Variants in MYO1E observed in about 807,000 individuals in gnomAD.
The protein encoded by MYO1E is unconventional myosin-Ie.
Under a neutral mutation model 151.1 loss-of-function variants are expected in MYO1E, and 68 were observed. The ratio of observed to expected loss-of-function variants is 0.45; its 90% CI spans 0.37 to 0.55. MYO1E has a LOEUF of 0.55. MYO1E is among the 20% of genes least tolerant of loss of function. The pLI is 0.00. For synonymous variants in MYO1E, 601 were observed against 501.7 expected (o/e 1.20, Z -2.64); for missense variants, 1,363 against 1,389.3 (o/e 0.98, Z 0.30).
At chr15:59,184,070 G>A (rs114776470) in intron 18 of MYO1E, among the ~76,000 whole-genome samples, 3,168 of 152,240 alleles carry the variant, frequency 0.021, 109 homozygotes, top group African/African-American at 0.071. Flanking sequence ...GGGCAGTGGC[G>A]TAATCTCGGC....
intron 9 of MYO1E, among the ~76,000 whole-genome samples, chr15:59,222,534 A>G (rs1323640222): frequency 6.6e-6 from 1 of 152,224 alleles, no homozygotes; most frequent in East Asian, 1.9e-4. Context: ...ATGTCAACAC[A>G]ACAGTCAATG....
At chr15:59,277,985 T>G (rs2080331057) in intron 1 of MYO1E, among the ~76,000 whole-genome samples, 2 of 152,232 alleles carry the variant, frequency 1.3e-5, no homozygotes, top group Admixed American at 1.3e-4. Context: ...AGTTTACATT[T>G]TTTAATCATA....
At chr15:59,170,931 G>C (rs748240275) in intron 22 of MYO1E, among the ~76,000 whole-genome samples, 7 of 152,212 alleles carry the variant, frequency 4.6e-5, no homozygotes, top group Non-Finnish European at 8.8e-5. Flanking sequence ...GTAAGAGTTT[G>C]ACAGGCGTCC....
chr15:59,214,938 G>T (rs1355525278), intron 10 of MYO1E, among the ~76,000 whole-genome samples: 3 of 152,078 alleles, frequency 2.0e-5, no homozygotes, highest in Non-Finnish European at 4.4e-5. Flanking sequence ...GAGTACAGTA[G>T]AAACAAAAAA....
At chr15:59,292,796 A>C (rs1290245464) in intron 1 of MYO1E, among the ~76,000 whole-genome samples, 1 of 152,238 alleles carries the variant, frequency 6.6e-6, no homozygotes, top group Non-Finnish European at 1.5e-5. Context: ...TTCTTATCTG[A>C]ACATAGCCCA....
chr15:59,325,610 GCTT>G (rs2080658703), intron 1 of MYO1E, among the ~76,000 whole-genome samples: 1 of 152,158 alleles, frequency 6.6e-6, no homozygotes, highest in South Asian at 2.1e-4. Flanking sequence ...CATTTTGTTA[GCTT>G]TTTTCCATGA....
intron 22 of MYO1E, among the ~76,000 whole-genome samples, chr15:59,167,542 T>C (rs992958576): frequency 1.3e-5 from 2 of 152,216 alleles, no homozygotes; most frequent in African/African-American, 4.8e-5. Flanking sequence ...AACCCAGGCA[T>C]GGCCTTCTGC....
intron 16 of MYO1E, 29 bp downstream of exon 16, chr15:59,202,297 A>C: frequency 1.3e-6 from 2 of 1,595,634 alleles, no homozygotes; most frequent in Non-Finnish European, 1.7e-6. Flanking sequence ...CCTTATAAGA[A>C]TCTATAAACT....
At chr15:59,366,984 T>G (rs2080917511) in intron 1 of MYO1E, among the ~76,000 whole-genome samples, 1 of 119,060 alleles carries the variant, frequency 8.4e-6, no homozygotes. Flanking sequence ...AAACACAAGT[T>G]GCTGCATTTT....
chr15:59,216,687 C>T (rs369756886), intron 10 of MYO1E, among the ~76,000 whole-genome samples: 109 of 13,416 alleles, frequency 8.1e-3, no homozygotes, highest in Middle Eastern at 0.031. Flanking sequence ...TATATATATA[C>T]ACATACACAC....
chr15:59,190,990 G>C (rs960515272), intron 17 of MYO1E, among the ~76,000 whole-genome samples: 2 of 152,122 alleles, frequency 1.3e-5, no homozygotes, highest in East Asian at 1.9e-4. Context: ...GGTGCTGTGG[G>C]ACAGGAGGAG....
intron 1 of MYO1E, among the ~76,000 whole-genome samples, chr15:59,319,550 CT>C (rs59491381): frequency 2.7e-3 from 171 of 63,610 alleles, no homozygotes; most frequent in African/African-American, 4.9e-3. Flanking sequence ...GTCAAACTAC[CT>C]TTTTTTTTTT....
intron 22 of MYO1E, among the ~76,000 whole-genome samples, chr15:59,166,801 C>T (rs1013363281): frequency 2.6e-5 from 4 of 152,170 alleles, no homozygotes; most frequent in Non-Finnish European, 4.4e-5. Context: ...TCAGCAGTGA[C>T]GTGTCCAGCT....
chr15:59,279,798 T>G (rs1436136102), intron 1 of MYO1E, among the ~76,000 whole-genome samples: 1 of 152,222 alleles, frequency 6.6e-6, no homozygotes, highest in African/African-American at 2.4e-5. Flanking sequence ...CAAGGGATGG[T>G]AAGGAGCCCC....
intron 1 of MYO1E, among the ~76,000 whole-genome samples, chr15:59,277,561 A>ACAC (rs765946535): frequency 6.9e-6 from 1 of 145,892 alleles, no homozygotes; most frequent in African/African-American, 2.6e-5. Flanking sequence ...AAAAAAAAAA[A>ACAC]AAAAAAAAAA....
At chr15:59,312,352 G>A (rs188999445) in intron 1 of MYO1E, among the ~76,000 whole-genome samples, 160 of 152,286 alleles carry the variant, frequency 1.1e-3, no homozygotes, top group Admixed American at 4.5e-3. Flanking sequence ...GAAAGGTTCC[G>A]TGGAGGAACA....
At chr15:59,245,177 T>C (rs2080122371) in intron 4 of MYO1E, among the ~76,000 whole-genome samples, 1 of 152,120 alleles carries the variant, frequency 6.6e-6, no homozygotes, top group Non-Finnish European at 1.5e-5. Flanking sequence ...GTCCCCATGC[T>C]AATAATAAAA....
intron 1 of MYO1E, among the ~76,000 whole-genome samples, chr15:59,335,465 T>C (rs2080722554): frequency 6.6e-6 from 1 of 152,048 alleles, no homozygotes; most frequent in South Asian, 2.1e-4. Context: ...CAGGAGAGCA[T>C]GTTTTCTGCA....
At chr15:59,291,614 T>C (rs867482536) in intron 1 of MYO1E, among the ~76,000 whole-genome samples, 20 of 136,696 alleles carry the variant, frequency 1.5e-4, no homozygotes, top group African/African-American at 5.3e-4. Context: ...GGCGTGCGGA[T>C]CACCTGAGAT....
Sources: allele counts gnomAD v4.1 joint callset (sites outside exome capture counted in the v4.1 genomes callset), GRCh38; gene constraint gnomAD v4.1.1; transcripts MANE v1.5; gene names NCBI Gene and HGNC (gene_info 2026-07-23, HGNC 2026-07-21).